Variants in RBFOX1 observed in about 807,000 individuals in gnomAD.
RBFOX1 encodes RNA binding fox-1 homolog 1.
In RBFOX1, 8 loss-of-function variants were observed where a neutral mutation model predicts 57.7. The observed-to-expected ratio is 0.14, with a 90% confidence interval of 0.08 to 0.25. The LOEUF is 0.25. Among genes scored for constraint, RBFOX1 ranks in the 10% least tolerant of loss-of-function variants. The pLI is 1.00. For synonymous variants in RBFOX1, 326 were observed against 222.4 expected (o/e 1.47, Z -4.15); for missense variants, 611 against 548.5 (o/e 1.11, Z -1.14).
At chr16:6,992,766 G>T (rs1389431517) in intron 3 of RBFOX1, among the ~76,000 whole-genome samples, 6 of 147,482 alleles carry the variant, frequency 4.1e-5, no homozygotes, top group Non-Finnish European at 8.9e-5. Context: ...AAGGTCACTT[G>T]TGTCTAGAGT....
chr16:7,261,485 G>T (rs562653133), intron 4 of RBFOX1, among the ~76,000 whole-genome samples: 11 of 152,172 alleles, frequency 7.2e-5, no homozygotes, highest in Admixed American at 1.3e-4. Flanking sequence ...GTCCCTTGTC[G>T]TCTCCCTGCC....
intron 2 of RBFOX1, among the ~76,000 whole-genome samples, chr16:6,339,619 T>A (rs1402117668): frequency 6.6e-6 from 1 of 152,124 alleles, no homozygotes; most frequent in African/African-American, 2.4e-5. Flanking sequence ...GAATGTTGGA[T>A]TTGATAAACA....
chr16:6,916,853 T>G (rs529627897), intron 3 of RBFOX1, among the ~76,000 whole-genome samples: 6 of 152,264 alleles, frequency 3.9e-5, no homozygotes, highest in South Asian at 4.1e-4. Flanking sequence ...TTTGTTTTTG[T>G]TTTTTTGTGT....
At chr16:6,362,228 A>G (rs780942584) in intron 2 of RBFOX1, among the ~76,000 whole-genome samples, 1 of 151,096 alleles carries the variant, frequency 6.6e-6, no homozygotes, top group Non-Finnish European at 1.5e-5. Flanking sequence ...TAATCGATGC[A>G]TATCACATCT....
intron 14 of RBFOX1, among the ~76,000 whole-genome samples, chr16:7,681,361 A>G (rs2074689527): frequency 6.6e-6 from 1 of 152,150 alleles, no homozygotes; most frequent in Admixed American, 6.6e-5. Flanking sequence ...TACAGAAAAT[A>G]GGACTAAATC....
intron 2 of RBFOX1, among the ~76,000 whole-genome samples, chr16:6,559,124 TG>T (rs779531401): frequency 2.0e-4 from 30 of 151,868 alleles, no homozygotes; most frequent in African/African-American, 7.3e-4. Context: ...TGTGTGTGTG[TG>T]TGTGTGTGTA....
At chr16:7,502,945 T>C (rs1038940421) in intron 4 of RBFOX1, among the ~76,000 whole-genome samples, 3 of 152,174 alleles carry the variant, frequency 2.0e-5, no homozygotes, top group African/African-American at 7.2e-5. Context: ...GTCGCTTGAA[T>C]CTGGGACACT....
intron 1 of RBFOX1, among the ~76,000 whole-genome samples, chr16:6,207,356 A>G (rs1344918309): frequency 6.6e-6 from 1 of 152,244 alleles, no homozygotes; most frequent in Non-Finnish European, 1.5e-5. Context: ...CTAGCAGCCA[A>G]AAGGTTGCTG....
At chr16:5,867,150 A>ATGTGTG (rs113977862) in intron 3 of RBFOX1, among the ~76,000 whole-genome samples, 10,401 of 149,234 alleles carry the variant, frequency 0.07, 410 homozygotes, top group East Asian at 0.17. Flanking sequence ...AAGAAAATGC[A>ATGTGTG]TGTGTGTGTG....
rs527764656 is a variant in RBFOX1 at position 6,848,582 on chromosome 16, C to A, written c.-16+193932C>A. Among the ~76,000 whole-genome samples, 4 of 149,806 alleles carry A rather than the reference C, an allele frequency of 2.7e-5. No homozygotes were observed. The South Asian group carries it at 6.4e-4, about 24-fold the overall frequency. On this transcript the variant is annotated intron_variant, in intron 3 of 15. Coordinates refer to ENST00000550418, the MANE Select transcript of RBFOX1 (RefSeq NM_018723.4). Reference sequence around the variant, plus strand: ...AGAGATAGAAAAAAAGGTGATAGAACCAAAGAAAGAATGAAAGAGAAGATG... The same window carrying A: ...AGAGATAGAAAAAAAGGTGATAGAAACAAAGAAAGAATGAAAGAGAAGATG...
intron 3 of RBFOX1, among the ~76,000 whole-genome samples, chr16:6,858,122 T>C (rs1004689659): frequency 2.0e-5 from 3 of 152,222 alleles, no homozygotes; most frequent in Non-Finnish European, 4.4e-5. Flanking sequence ...AATACAGTTA[T>C]TAAAATACAG....
chr16:7,182,756 C>A (rs1404348680), intron 4 of RBFOX1, among the ~76,000 whole-genome samples: 8 of 152,160 alleles, frequency 5.3e-5, no homozygotes, highest in Non-Finnish European at 1.5e-5. Context: ...TGGAGCCCAT[C>A]AGATTTGCCT....
chr16:6,813,722 C>A (rs558930023), intron 3 of RBFOX1, among the ~76,000 whole-genome samples: 22 of 152,230 alleles, frequency 1.4e-4, no homozygotes, highest in South Asian at 1.0e-3. Context: ...AAATCTTCTC[C>A]CTCTGTCCCT....
At chr16:6,644,771 C>T (rs925107574) in intron 2 of RBFOX1, among the ~76,000 whole-genome samples, 28 of 152,118 alleles carry the variant, frequency 1.8e-4, no homozygotes, top group Admixed American at 1.2e-3. Flanking sequence ...CCTGTGATTG[C>T]CCTGGGATTC....
chr16:6,265,023 T>C (rs1356391307), intron 1 of RBFOX1, among the ~76,000 whole-genome samples: 2 of 152,068 alleles, frequency 1.3e-5, no homozygotes, highest in African/African-American at 4.8e-5. Flanking sequence ...ATCACCCTAT[T>C]TCCAATATTG....
At chr16:5,537,516 G>C (rs972582400) in intron 2 of RBFOX1, among the ~76,000 whole-genome samples, 2 of 152,200 alleles carry the variant, frequency 1.3e-5, no homozygotes, top group African/African-American at 4.8e-5. Flanking sequence ...GAGGCTGGAG[G>C]GGGGAATCTG....
intron 3 of RBFOX1, among the ~76,000 whole-genome samples, chr16:5,817,992 G>A (rs1000429937): frequency 9.2e-5 from 14 of 152,124 alleles, no homozygotes; most frequent in Non-Finnish European, 2.9e-5. Context: ...GCCTGGCCAG[G>A]TCTTGTGGGC....
At chr16:6,472,716 C>T (rs1050429388) in intron 2 of RBFOX1, among the ~76,000 whole-genome samples, 19 of 151,760 alleles carry the variant, frequency 1.3e-4, no homozygotes, top group Admixed American at 4.6e-4. Flanking sequence ...CTCCGCCTCC[C>T]GGTTCAAGTG....
At chr16:6,658,667 G>A (rs1052936548) in intron 3 of RBFOX1, among the ~76,000 whole-genome samples, 2 of 152,108 alleles carry the variant, frequency 1.3e-5, no homozygotes, top group African/African-American at 4.8e-5. Flanking sequence ...AGGCTGACAG[G>A]AAACTAATTG....
Sources: gnomAD v4.1 joint callset for allele counts (sites outside exome capture counted in the v4.1 genomes callset) on GRCh38, gnomAD v4.1.1 for gene constraint, MANE v1.5 for transcripts, NCBI Gene and HGNC (gene_info 2026-07-23, HGNC 2026-07-21) for gene names.